NAV3: variants seen among roughly 807,000 people sequenced by gnomAD.
NAV3 encodes the protein neuron navigator 3, also known as pore membrane and/or filament interacting like protein 1.
Under a neutral mutation model 244.7 loss-of-function variants are expected in NAV3, and 87 were observed. That is an observed-to-expected ratio of 0.36 (90% CI 0.30 to 0.42). The LOEUF (loss-of-function observed/expected upper bound fraction) is 0.42, where lower values mean the gene tolerates loss of function less well. NAV3 is among the 20% of genes least tolerant of loss of function. NAV3 has a pLI of 1.00. For missense variants in NAV3, 2,663 were observed against 2,893.3 expected, an observed-to-expected ratio of 0.92 and a Z score of 1.83; for synonymous variants, 1,126 against 1,042.2, an observed-to-expected ratio of 1.08 and a Z score of -1.55.
At chr12:77,826,695 C>T (rs956004035), upstream of NAV3, among the ~76,000 whole-genome samples, 8 of 152,142 alleles carry the variant, frequency 5.3e-5, no homozygotes, top group African/African-American at 1.9e-4. Flanking sequence ...AACGAAAATA[C>T]TGAATGATTT....
At chr12:77,799,577 C>T (rs1871595610) in intron 2 of NAV3, among the ~76,000 whole-genome samples, 2 of 152,118 alleles carry the variant, frequency 1.3e-5, no homozygotes, top group African/African-American at 4.8e-5. Context: ...TTAAAGGAGC[C>T]CTCAATGTGT....
At chr12:77,857,118 T>A (rs575243033) in intron 1 of NAV3, among the ~76,000 whole-genome samples, 1 of 152,114 alleles carries the variant, frequency 6.6e-6, no homozygotes. Context: ...AATTCAAGCA[T>A]GAAAGTTGGA....
At position 77,831,601 on chromosome 12, in the gene NAV3, C is replaced by T; in HGVS notation, c.140C>T (p.Thr47Ile). ...TCAAGACCTTTGGAACTTACTGAAA[C>T]AGAGAGCTCCATGCTTTCTTGTCAG... Reference protein sequence around the residue: ...CSSRPLELTETESSMLSCQLA... With the variant: ...CSSRPLELTEIESSMLSCQLA... The change falls in exon 1 of 40, where the codon ACA becomes ATA. Residue 47 changes from threonine to isoleucine, a missense_variant. Thr to Ile is a moderately conservative substitution (Grantham distance 89). Coordinates refer to ENST00000397909, the MANE Select transcript of NAV3 (RefSeq NM_001024383.2). 1 of 1,614,076 alleles carries T rather than the reference C, an allele frequency of 6.2e-7. No individual in the cohort carries two copies. The highest frequency in any genetic ancestry group is 1.1e-5 in the South Asian group (1 of 91,072).
intron 2 of NAV3, among the ~76,000 whole-genome samples, chr12:77,749,467 A>C (rs1042962635): frequency 5.3e-5 from 8 of 152,234 alleles, no homozygotes; most frequent in Non-Finnish European, 1.2e-4. Context: ...AAGGCCATAC[A>C]CAAAGTTAAT....
intron 2 of NAV3, among the ~76,000 whole-genome samples, chr12:77,601,233 C>G (rs939686879): frequency 2.0e-5 from 3 of 151,778 alleles, no homozygotes; most frequent in Non-Finnish European, 4.4e-5. Context: ...AGTGACATGC[C>G]CAGGGTCATC....
rs578214141 is a variant in NAV3 at position 78,119,343 on chromosome 12, G to C, written c.3147G>C (p.Gly1049=). The change falls in exon 15 of 40, where the codon GGG becomes GGC. Residue 1049 remains glycine (G), a synonymous_variant. Transcript: ENST00000397909. ...SDAGKSSGDE[G]KKPPSGIGRS... is the part of the protein sequence containing the mutation. ...CAGGAAAAAGCAGTGGAGATGAAGG[G>C]AAAAAGCCCCCCTCAGGCATTGGAA... 6.2e-7 allele frequency: 1 copy of C among 1,614,114 alleles called. No individual in the cohort carries two copies. Among genetic ancestry groups the C allele is most frequent in the Admixed American group, 1.7e-5 (1 of 60,022 alleles).
intron 1 of NAV3, among the ~76,000 whole-genome samples, chr12:77,862,657 G>A (rs1407834170): frequency 1.3e-5 from 2 of 151,720 alleles, no homozygotes; most frequent in Non-Finnish European, 3.0e-5. Context: ...TTATAAAAAA[G>A]GGAGCATCAT....
At chr12:77,657,106 CAG>C (rs1265234156) in intron 2 of NAV3, among the ~76,000 whole-genome samples, 1 of 152,122 alleles carries the variant, frequency 6.6e-6, no homozygotes, top group African/African-American at 2.4e-5. Flanking sequence ...TAACTAAAAT[CAG>C]AGCAGAACTG....
intron 38 of NAV3, 77 bp downstream of exon 38, chr12:78,200,668 A>T: frequency 1.3e-6 from 1 of 760,324 alleles, no homozygotes; most frequent in Non-Finnish European, 2.0e-6. Flanking sequence ...GCAAAAAAAA[A>T]TATCTGGGTA....
At chr12:77,729,178 T>C (rs1877014829) in intron 2 of NAV3, among the ~76,000 whole-genome samples, 1 of 152,010 alleles carries the variant, frequency 6.6e-6, no homozygotes, top group Non-Finnish European at 1.5e-5. Flanking sequence ...TTTTTGACTG[T>C]GTAGGGGGTT....
chr12:78,199,305 A>T (rs1163879601), intron 36 of NAV3, 30 bp from the exon 37 acceptor site: 1 of 1,480,122 alleles, frequency 6.8e-7, no homozygotes, highest in South Asian at 1.2e-5. Flanking sequence ...TAATTTATAT[A>T]AAAATGTCTG....
At position 77,910,133 on chromosome 12, in the gene NAV3, G is replaced by A. The variant is rs186847495; in HGVS notation, c.244-30186G>A. 2.6e-3 allele frequency among the ~76,000 whole-genome samples: 389 copies of A among 152,144 alleles called. No individual in the cohort carries two copies. In the Middle Eastern group the frequency reaches 0.041, roughly 16 times the overall value. On this transcript the variant is annotated intron_variant, in intron 1 of 39. Coordinates refer to ENST00000397909, the MANE Select transcript of NAV3 (RefSeq NM_001024383.2). ...TTATTTCATTTTACATTGTTATGAAGGGTTATTTGAGACCGGGTAATTTAT... is the reference window on the plus strand; with the variant it reads ...TTATTTCATTTTACATTGTTATGAAAGGTTATTTGAGACCGGGTAATTTAT...
intron 1 of NAV3, among the ~76,000 whole-genome samples, chr12:77,881,391 G>A (rs1882627549): frequency 6.6e-6 from 1 of 152,006 alleles, no homozygotes; most frequent in African/African-American, 2.4e-5. Context: ...TGTATATCAG[G>A]ATCAGATTTG....
At chr12:78,132,790 A>G (rs1956218631) in intron 18 of NAV3, among the ~76,000 whole-genome samples, 1 of 152,082 alleles carries the variant, frequency 6.6e-6, no homozygotes, top group African/African-American at 2.4e-5. Context: ...TCTAAAACTA[A>G]AATCCCATCA....
At chr12:77,784,807 G>A (rs1269302095) in intron 2 of NAV3, among the ~76,000 whole-genome samples, 5 of 152,156 alleles carry the variant, frequency 3.3e-5, no homozygotes, top group Non-Finnish European at 7.3e-5. Flanking sequence ...GTCACAGAAA[G>A]CAGGTAGTTA....
chr12:78,016,440 C>T (rs575833562), intron 8 of NAV3, among the ~76,000 whole-genome samples: 1 of 152,040 alleles, frequency 6.6e-6, no homozygotes, highest in African/African-American at 2.4e-5. Context: ...AAACTTGGCT[C>T]TCATTATTCT....
At chr12:77,604,055 T>C (rs1480754257) in intron 2 of NAV3, among the ~76,000 whole-genome samples, 1 of 152,042 alleles carries the variant, frequency 6.6e-6, no homozygotes, top group Non-Finnish European at 1.5e-5. Context: ...CAACTGAGAA[T>C]AATGTGATCA....
intron 1 of NAV3, among the ~76,000 whole-genome samples, chr12:77,877,340 A>G (rs17216348): frequency 0.14 from 21,400 of 151,992 alleles, 1,780 homozygotes; most frequent in Middle Eastern, 0.21. Context: ...GCTTACCAGT[A>G]TTTCTTTCAA....
rs752187024 is a variant in NAV3 at position 78,128,796 on chromosome 12, C to A, written c.4371C>A (p.Asn1457Lys). Reference protein sequence around the residue: ...HSTGGLQDTGNQSPLVSPSAM... With the variant: ...HSTGGLQDTGKQSPLVSPSAM... ...CTGGAGGGCTTCAGGACACTGGCAA[C>A]CAGTCACCTCTGGTTTCCCCTTCTG... Residue 1457 changes from asparagine (N) to lysine (K), a missense_variant, in exon 18 of 40, where the codon AAC becomes AAA. By Grantham distance (94) the Asn-to-Lys change is moderately conservative. Transcript: ENST00000397909. 3 of 1,614,066 alleles carry A rather than the reference C, an allele frequency of 1.9e-6. No individual in the cohort carries two copies. Among genetic ancestry groups the A allele is most frequent in the Non-Finnish European group, 2.5e-6 (3 of 1,179,972 alleles).
Sources: allele counts gnomAD v4.1 joint callset (sites outside exome capture counted in the v4.1 genomes callset), GRCh38; gene constraint gnomAD v4.1.1; transcripts MANE v1.5; gene names NCBI Gene and HGNC (gene_info 2026-07-23, HGNC 2026-07-21).